CSMD1: variants seen among roughly 807,000 people sequenced by gnomAD.
The protein encoded by CSMD1 is CUB and sushi domain-containing protein 1.
A neutral mutation model predicts 417.5 loss-of-function variants in CSMD1; 213 were observed. The ratio of observed to expected loss-of-function variants is 0.51; its 90% confidence interval spans 0.46 to 0.57. CSMD1 has a LOEUF of 0.57. Ranked by LOEUF, CSMD1 falls within the 20% of genes least tolerant of loss-of-function variation. CSMD1 has a pLI of 0.00. For missense variants in CSMD1, 6,923 were observed against 4,529.7 expected (o/e 1.53, Z -15.17); for synonymous variants, 2,862 against 1,736.8 (o/e 1.65, Z -16.11).
At chr8:4,951,850 C>T (rs529008717) in intron 1 of CSMD1, among the ~76,000 whole-genome samples, 70 of 53,652 alleles carry the variant, frequency 1.3e-3, no homozygotes, top group African/African-American at 3.0e-3. Context: ...AAAGTTAATA[C>T]ACTGAAGGAC....
At chr8:3,669,142 G>A (rs919111831) in intron 7 of CSMD1, among the ~76,000 whole-genome samples, 17 of 152,292 alleles carry the variant, frequency 1.1e-4, no homozygotes, top group Admixed American at 9.8e-4. Flanking sequence ...AGGGCAGAAT[G>A]GTTAAAACAA....
At chr8:3,025,098 C>T (rs879847418) in intron 51 of CSMD1, among the ~76,000 whole-genome samples, 3 of 151,094 alleles carry the variant, frequency 2.0e-5, no homozygotes, top group Non-Finnish European at 4.4e-5. Flanking sequence ...TATTCTGAAA[C>T]TGTGTATTGT....
intron 3 of CSMD1, among the ~76,000 whole-genome samples, chr8:4,219,873 C>A (rs569480476): frequency 4.3e-4 from 66 of 152,244 alleles, no homozygotes; most frequent in Middle Eastern, 3.4e-3. Context: ...AAGACAAAAT[C>A]TCGAATTAAT....
chr8:4,458,994 G>C (rs550950985), intron 2 of CSMD1, among the ~76,000 whole-genome samples: 2 of 152,270 alleles, frequency 1.3e-5, no homozygotes, highest in South Asian at 4.1e-4. Context: ...GAGGATTCAC[G>C]TTTGTGCAGC....
chr8:3,296,269 G>A (rs192212135), intron 25 of CSMD1, among the ~76,000 whole-genome samples: 37 of 151,340 alleles, frequency 2.4e-4, no homozygotes, highest in African/African-American at 4.6e-4. Context: ...CCTGTGAGAC[G>A]TAAGAATTCA....
chr8:4,647,516 C>T (rs1039985052), intron 1 of CSMD1, among the ~76,000 whole-genome samples: 3 of 151,612 alleles, frequency 2.0e-5, no homozygotes, highest in East Asian at 1.9e-4. Context: ...ACGCGTGTGC[C>T]ATGGTTGTTT....
rs531644997 is a variant in CSMD1, at chr8:4,787,350, C to G, written c.86-149792G>C. ...CAGGATAATGGCGACAGCTGAGGTA[C>G]TGAACACTGGTAAAAAATTGTATGA... On this transcript the variant is annotated intron_variant, in intron 1 of 69. Transcript: ENST00000635120. 71 of 734,186 alleles carry G rather than the reference C, an allele frequency of 9.7e-5. No homozygotes were observed. In the African/African-American group the frequency reaches 1.1e-3, roughly 12 times the overall value. The allele number at this position is 734,186 out of a possible 1,614,324, so 45.5% of individuals were successfully genotyped here.
intron 3 of CSMD1, among the ~76,000 whole-genome samples, chr8:4,230,732 C>A (rs570671433): frequency 5.3e-5 from 8 of 152,072 alleles, no homozygotes; most frequent in Admixed American, 4.6e-4. Context: ...AATATAAAAC[C>A]GATTACAAGC....
chr8:4,719,418 A>C (rs1808905149), intron 1 of CSMD1, among the ~76,000 whole-genome samples: 1 of 152,142 alleles, frequency 6.6e-6, no homozygotes, highest in African/African-American at 2.4e-5. Context: ...CTGTTGCATT[A>C]AAAGCATCAT....
intron 2 of CSMD1, among the ~76,000 whole-genome samples, chr8:4,519,827 G>A (rs1803338442): frequency 6.9e-6 from 1 of 145,630 alleles, no homozygotes; most frequent in Non-Finnish European, 1.5e-5. Flanking sequence ...AAGAGGATAT[G>A]GCTGAGCTAG....
intron 56 of CSMD1, among the ~76,000 whole-genome samples, chr8:2,974,139 C>T (rs1378282992): frequency 2.0e-5 from 3 of 150,490 alleles, no homozygotes; most frequent in African/African-American, 7.3e-5. Flanking sequence ...GAAAATTAAC[C>T]ACATAAAAAA....
intron 50 of CSMD1, among the ~76,000 whole-genome samples, chr8:3,029,883 C>A (rs1394075156): frequency 3.3e-5 from 5 of 151,982 alleles, no homozygotes; most frequent in Non-Finnish European, 1.5e-5. Flanking sequence ...CTTGGAGGAA[C>A]TTGGAATAGT....
intron 1 of CSMD1, among the ~76,000 whole-genome samples, chr8:4,848,856 C>A (rs1801301584): frequency 1.3e-5 from 2 of 152,210 alleles, no homozygotes; most frequent in Non-Finnish European, 2.9e-5. Flanking sequence ...GTACATAATA[C>A]TTAATAATAA....
intron 49 of CSMD1, among the ~76,000 whole-genome samples, chr8:3,064,574 T>G (rs527339595): frequency 6.6e-6 from 1 of 152,256 alleles, no homozygotes; most frequent in South Asian, 2.1e-4. Flanking sequence ...TTAATACAAT[T>G]AATAAGAATA....
intron 1 of CSMD1, among the ~76,000 whole-genome samples, chr8:4,700,535 A>G (rs968768044): frequency 6.6e-6 from 1 of 152,170 alleles, no homozygotes; most frequent in Non-Finnish European, 1.5e-5. Flanking sequence ...ATAGAGAGAC[A>G]AGATATTTCA....
intron 3 of CSMD1, among the ~76,000 whole-genome samples, chr8:4,300,845 C>G (rs1010977205): frequency 2.6e-5 from 4 of 152,172 alleles, no homozygotes; most frequent in African/African-American, 9.7e-5. Context: ...TCATCCATGT[C>G]CCTACAAAGG....
intron 25 of CSMD1, among the ~76,000 whole-genome samples, chr8:3,289,133 A>G (rs1424025544): frequency 1.4e-5 from 2 of 147,464 alleles, no homozygotes; most frequent in Non-Finnish European, 2.9e-5. Flanking sequence ...AGCTTCATCC[A>G]TGTCCCTACA....
intron 3 of CSMD1, among the ~76,000 whole-genome samples, chr8:4,161,367 C>G (rs1010987602): frequency 1.3e-5 from 2 of 152,186 alleles, no homozygotes; most frequent in Admixed American, 6.5e-5. Flanking sequence ...AAAATGCAGG[C>G]TTTCAGCCAC....
At chr8:4,093,358 G>C (rs1398792755) in intron 3 of CSMD1, among the ~76,000 whole-genome samples, 3 of 152,158 alleles carry the variant, frequency 2.0e-5, no homozygotes, top group Admixed American at 1.3e-4. Flanking sequence ...AATAATGAAA[G>C]TTAAATTTTA....
Sources: allele counts gnomAD v4.1 joint callset (sites outside exome capture counted in the v4.1 genomes callset), GRCh38; gene constraint gnomAD v4.1.1; transcripts MANE v1.5; gene names NCBI Gene and HGNC (gene_info 2026-07-23, HGNC 2026-07-21).